The following CYP2C19 variants were observed in gnomAD, a reference collection of about 807,000 sequenced individuals.
CYP2C19 encodes cytochrome P450 2C19.
CYP2C19 carries 59 observed loss-of-function variants against 40.9 expected under a neutral mutation model. That is an observed-to-expected ratio of 1.44 (90% CI 1.17 to 1.79). CYP2C19 has a LOEUF of 1.79. Ranked by LOEUF, CYP2C19 falls within the 40% of genes most tolerant of loss-of-function variation. The pLI, the probability that CYP2C19 is intolerant of heterozygous loss-of-function variation, is 0.00. For synonymous variants in CYP2C19, 253 were observed against 208.7 expected, an observed-to-expected ratio of 1.21 and a Z score of -1.83; for missense variants, 754 against 596.9, an observed-to-expected ratio of 1.26 and a Z score of -2.74.
intron 5 of CYP2C19, among the ~76,000 whole-genome samples, chr10:94,788,001 A>G (rs965347448): frequency 6.6e-6 from 1 of 152,132 alleles, no homozygotes; most frequent in African/African-American, 2.4e-5. Context: ...ATCCATAAGC[A>G]TGAACTGTTT....
At chr10:94,786,985 A>T (rs574582785) in intron 5 of CYP2C19, among the ~76,000 whole-genome samples, 1 of 152,234 alleles carries the variant, frequency 6.6e-6, no homozygotes, top group East Asian at 1.9e-4. Flanking sequence ...TTTTGGTATA[A>T]CAATTTGTTT....
intron 6 of CYP2C19, among the ~76,000 whole-genome samples, chr10:94,822,702 AT>A (rs1302334930): frequency 1.3e-5 from 2 of 152,100 alleles, no homozygotes; most frequent in African/African-American, 4.8e-5. Context: ...GTGTAAAAGC[AT>A]TTTCTTTTGT....
Position 94,775,205 on chromosome 10 carries a change from G to C in CYP2C19, c.316G>C (p.Ala106Pro). Residue 106 changes from alanine to proline, a missense_variant, in exon 2 of 9, where the codon GCT (alanine) becomes CCT (proline). Ala to Pro is a conservative substitution (Grantham distance 27). Transcript: ENST00000371321. ...GRGHFPLAER[A>P]NRGFGIVFSN... is the part of the protein sequence containing the mutation. ...AGGCCATTTCCCACTGGCTGAAAGA[G>C]CTAACAGAGGATTTGGTAGGTGTGC... The C allele has an allele frequency of 6.2e-7, 1 of 1,614,102 alleles. No homozygotes were observed. Among genetic ancestry groups the C allele is most frequent in the South Asian group, 1.1e-5 (1 of 91,080 alleles).
intron 6 of CYP2C19, among the ~76,000 whole-genome samples, chr10:94,825,134 T>C (rs1242131011): frequency 7.0e-6 from 1 of 143,292 alleles, no homozygotes; most frequent in Non-Finnish European, 1.5e-5. Flanking sequence ...CATGTGTCTT[T>C]ATAGCAGCAT....
intron 6 of CYP2C19, among the ~76,000 whole-genome samples, chr10:94,839,592 G>A (rs1849458260): frequency 6.6e-6 from 1 of 152,170 alleles, no homozygotes; most frequent in South Asian, 2.1e-4. Flanking sequence ...TTTCAGAGAG[G>A]GTGTATTGAA....
In CYP2C19 at chr10:94,853,153, TGA is replaced by T. The variant is rs1476873579; in HGVS notation, c.*241_*242del. 3.8e-6 allele frequency: 2 copies of T among 521,204 alleles called. No individual in the cohort carries two copies. The highest frequency in any genetic ancestry group is 6.7e-6 in the Non-Finnish European group (2 of 297,210). The allele number at this position is 521,204 out of a possible 1,614,324, so 32.3% of individuals were successfully genotyped here. A position where few individuals can be genotyped will look rare whatever the true frequency, so the allele number is the denominator to read the frequency against. ...CATAATGCTGATACTTGTCTAATGT[TGA>T]GTTATTAACATATTATTATTAAATA... On this transcript the variant is annotated 3_prime_UTR_variant, in exon 9 of 9. Transcript: ENST00000371321.
chr10:94,766,227 G>A (rs1848241127), intron 1 of CYP2C19, among the ~76,000 whole-genome samples: 1 of 151,986 alleles, frequency 6.6e-6, no homozygotes, highest in Non-Finnish European at 1.5e-5. Context: ...GGGAAGGATT[G>A]GACTGGTTTA....
chr10:94,849,879 T>A lies in CYP2C19; in HGVS notation c.1150-38T>A. The A allele has an allele frequency of 1.9e-6, 3 of 1,612,908 alleles. No homozygotes were observed. The South Asian group carries it at 3.3e-5, about 18-fold the overall frequency. On this transcript the variant is annotated intron_variant, in intron 7 of 8. Coordinates refer to ENST00000371321, the MANE Select transcript of CYP2C19 (RefSeq NM_000769.4). The stretch of plus-strand genomic sequence containing the variant: ...CACTGTTTCTTAAACCTTCGTGACT[T>A]CTTTACAGCTCAGTTCACCTATGTC...
intron 6 of CYP2C19, among the ~76,000 whole-genome samples, chr10:94,826,038 C>G (rs1423169075): frequency 1.3e-5 from 2 of 150,236 alleles, no homozygotes; most frequent in Admixed American, 1.3e-4. Flanking sequence ...GGTACCAGTA[C>G]CATGCTGTTT....
intron 5 of CYP2C19, among the ~76,000 whole-genome samples, chr10:94,804,214 G>A (rs1255447923): frequency 6.6e-6 from 1 of 152,126 alleles, no homozygotes; most frequent in Non-Finnish European, 1.5e-5. Flanking sequence ...ACCATTTCCA[G>A]GTCACCAAGC....
intron 5 of CYP2C19, among the ~76,000 whole-genome samples, chr10:94,796,405 G>C (rs1200969177): frequency 1.3e-5 from 2 of 152,194 alleles, no homozygotes; most frequent in Non-Finnish European, 2.9e-5. Flanking sequence ...TAGCCTTGCA[G>C]TATAGTTGGA....
chr10:94,840,342 A>G (rs542591495), intron 6 of CYP2C19, among the ~76,000 whole-genome samples: 1 of 150,746 alleles, frequency 6.6e-6, no homozygotes, highest in African/African-American at 2.4e-5. Flanking sequence ...GGCCCTGGCA[A>G]GTGTGGTGGG....
At chr10:94,806,252 G>T (rs1214671183) in intron 5 of CYP2C19, among the ~76,000 whole-genome samples, 1 of 152,026 alleles carries the variant, frequency 6.6e-6, no homozygotes, top group East Asian at 1.9e-4. Context: ...ATTTCCAAGG[G>T]TGAATAATAT....
At chr10:94,783,251 T>A (rs1463422635) in intron 5 of CYP2C19, among the ~76,000 whole-genome samples, 2 of 152,104 alleles carry the variant, frequency 1.3e-5, no homozygotes, top group Admixed American at 1.3e-4. Context: ...CACAGTTTAT[T>A]GGAGAATGGG....
intron 1 of CYP2C19, among the ~76,000 whole-genome samples, chr10:94,769,510 G>A (rs1848297783): frequency 6.6e-6 from 1 of 152,176 alleles, no homozygotes; most frequent in East Asian, 1.9e-4. Context: ...TGACAGAGCA[G>A]GGTTTAGGGG....
Position 94,852,748 on chromosome 10 carries a change from TG to T in CYP2C19, c.1310del (p.Gly437GlufsTer13). 3 of 1,613,940 alleles carry T rather than the reference TG, an allele frequency of 1.9e-6. No individual in the cohort carries two copies. Among genetic ancestry groups the T allele is most frequent in the Non-Finnish European group, 2.5e-6 (3 of 1,179,914 alleles). On this transcript the variant is annotated frameshift_variant, in exon 9 of 9. Coordinates refer to ENST00000371321, the MANE Select transcript of CYP2C19 (RefSeq NM_000769.4). LOFTEE classifies it low-confidence loss of function (END_TRUNC). ...MPFSAGKRIC[V>X]GEGLARMELF... ...TTATTTTCAGGAAAACGGATTTGTG[TG>T]GGAGAGGGCCTGGCCCGCATGGAGC...
chr10:94,807,286 T>C (rs1197516098), intron 5 of CYP2C19, among the ~76,000 whole-genome samples: 1 of 152,164 alleles, frequency 6.6e-6, no homozygotes, highest in African/African-American at 2.4e-5. Context: ...TCTTTACCCA[T>C]TCATTTGTTG....
intron 6 of CYP2C19, among the ~76,000 whole-genome samples, chr10:94,839,224 C>A (rs900945952): frequency 1.3e-5 from 2 of 152,046 alleles, no homozygotes; most frequent in African/African-American, 4.8e-5. Context: ...CTCTTGACCA[C>A]AAAGAAAGGG....
At chr10:94,769,822 G>A (rs999214520) in intron 1 of CYP2C19, among the ~76,000 whole-genome samples, 2 of 152,024 alleles carry the variant, frequency 1.3e-5, no homozygotes, top group East Asian at 1.9e-4. Flanking sequence ...CAGACTTCAG[G>A]GTTAATTCCC....
Sources: allele counts gnomAD v4.1 joint callset (sites outside exome capture counted in the v4.1 genomes callset), GRCh38; gene constraint gnomAD v4.1.1; transcripts MANE v1.5; gene names NCBI Gene and HGNC (gene_info 2026-07-23, HGNC 2026-07-21).